TTBK2: variants seen among roughly 807,000 people sequenced by gnomAD.
TTBK2 encodes tau-tubulin kinase 2.
In TTBK2, 28 loss-of-function variants were observed where a neutral mutation model predicts 110.8. That is an observed-to-expected ratio of 0.25 (90% CI 0.19 to 0.35). The LOEUF (loss-of-function observed/expected upper bound fraction) is 0.35. Ranked by LOEUF, TTBK2 falls within the 10% of genes least tolerant of loss-of-function variation. TTBK2 has a pLI of 1.00. For synonymous variants in TTBK2, 532 were observed against 527.3 expected (o/e 1.01, Z -0.12); for missense variants, 1,369 against 1,500.3 (o/e 0.91, Z 1.45).
chr15:42,814,767 C>T (rs1158903183), intron 7 of TTBK2, among the ~76,000 whole-genome samples: 4 of 152,168 alleles, frequency 2.6e-5, no homozygotes, highest in African/African-American at 9.7e-5. Flanking sequence ...AACTAACAAT[C>T]GTTGTGAACT....
At chr15:42,866,845 T>A (rs144905856) in intron 3 of TTBK2, among the ~76,000 whole-genome samples, 8 of 152,138 alleles carry the variant, frequency 5.3e-5, no homozygotes, top group African/African-American at 1.9e-4. Flanking sequence ...TCATAAGAAG[T>A]TTTAAACTAT....
chr15:42,757,894 G>A (rs1317257829), intron 13 of TTBK2, among the ~76,000 whole-genome samples: 1 of 151,968 alleles, frequency 6.6e-6, no homozygotes, highest in African/African-American at 2.4e-5. Flanking sequence ...TTCTTTCATA[G>A]TTTCTTAGTT....
chr15:42,898,561 A>G (rs1016277509), intron 1 of TTBK2, among the ~76,000 whole-genome samples: 5 of 152,146 alleles, frequency 3.3e-5, no homozygotes, highest in Non-Finnish European at 5.9e-5. Flanking sequence ...CAGAGTCATA[A>G]TAACTTAAAC....
intron 2 of TTBK2, among the ~76,000 whole-genome samples, chr15:42,876,749 T>C (rs554531662): frequency 1.3e-4 from 20 of 152,242 alleles, no homozygotes; most frequent in African/African-American, 4.8e-4. Flanking sequence ...CAAACAAAAA[T>C]AGTTCCTTTA....
intron 11 of TTBK2, among the ~76,000 whole-genome samples, chr15:42,779,515 G>C (rs545358193): frequency 2.0e-5 from 3 of 151,642 alleles, no homozygotes; most frequent in African/African-American, 7.3e-5. Context: ...TTATAGATAA[G>C]AAAATACATT....
chr15:42,907,879 TG>T (rs2030502266), intron 1 of TTBK2, among the ~76,000 whole-genome samples: 1 of 149,550 alleles, frequency 6.7e-6, no homozygotes, highest in Non-Finnish European at 1.5e-5. Flanking sequence ...GAGACCATCC[TG>T]GGCAACATGG....
At chr15:42,814,605 AAG>A (rs1232666235) in intron 7 of TTBK2, among the ~76,000 whole-genome samples, 1 of 152,190 alleles carries the variant, frequency 6.6e-6, no homozygotes, top group Non-Finnish European at 1.5e-5. Flanking sequence ...GAACCAGAAA[AAG>A]AGAAATAGAG....
rs769912822 is a variant in TTBK2 at position 42,791,094 on chromosome 15, AG to A, written c.980+3549del. Reference sequence around the variant, plus strand: ...AGTAGAGACGGGGTTTCACTGTGTTAGCCAGGATGGTCTCGATCTGACCTCA... The same window carrying A: ...AGTAGAGACGGGGTTTCACTGTGTTACCAGGATGGTCTCGATCTGACCTCA... On this transcript the variant is annotated intron_variant, in intron 10 of 14. Transcript: ENST00000267890. Among the ~76,000 whole-genome samples the A allele has an allele frequency of 2.6e-4, 39 of 152,078 alleles. No homozygotes were observed. The East Asian group carries it at 6.4e-3, about 25-fold the overall frequency.
At chr15:42,903,211 GT>G (rs887588941) in intron 1 of TTBK2, among the ~76,000 whole-genome samples, 4 of 152,036 alleles carry the variant, frequency 2.6e-5, no homozygotes, top group Non-Finnish European at 5.9e-5. Context: ...CTTATAATAG[GT>G]ATCTAGAGTA....
At chr15:42,796,543 G>A (rs1890953690) in intron 9 of TTBK2, among the ~76,000 whole-genome samples, 1 of 152,138 alleles carries the variant, frequency 6.6e-6, no homozygotes, top group Non-Finnish European at 1.5e-5. Context: ...ACTCAGCAAA[G>A]GAAACAAAAA....
intron 1 of TTBK2, among the ~76,000 whole-genome samples, chr15:42,882,389 A>G (rs1343215691): frequency 2.0e-5 from 3 of 152,038 alleles, no homozygotes; most frequent in Non-Finnish European, 4.4e-5. Flanking sequence ...ACCTGAGGTC[A>G]GGAGTTTGAG....
chr15:42,780,011 C>T (rs1314019803), intron 11 of TTBK2, among the ~76,000 whole-genome samples: 1 of 150,852 alleles, frequency 6.6e-6, no homozygotes, highest in East Asian at 2.0e-4. Context: ...TAATCTAATT[C>T]AAGTCATTCT....
chr15:42,784,516 G>C (rs1890323661), intron 10 of TTBK2, among the ~76,000 whole-genome samples: 1 of 152,204 alleles, frequency 6.6e-6, no homozygotes, highest in African/African-American at 2.4e-5. Flanking sequence ...GACCTCAGGT[G>C]ATCTGCCTGC....
At chr15:42,838,216 A>G (rs1893074502) in intron 4 of TTBK2, among the ~76,000 whole-genome samples, 1 of 152,018 alleles carries the variant, frequency 6.6e-6, no homozygotes, top group Admixed American at 6.6e-5. Flanking sequence ...CAAAAAATAA[A>G]ATAAAATAAA....
At chr15:42,890,884 T>C (rs1468835361) in intron 1 of TTBK2, among the ~76,000 whole-genome samples, 3 of 152,200 alleles carry the variant, frequency 2.0e-5, no homozygotes, top group Non-Finnish European at 4.4e-5. Flanking sequence ...TGTTTGTTTT[T>C]TGAGATGGAG....
rs79750832 is a variant in TTBK2 at position 42,760,504 on chromosome 15, A to T, written c.1999-7257T>A. On this transcript the variant is annotated intron_variant, in intron 13 of 14. Transcript: ENST00000267890. ...CTGAATTGGAAGACAGGTCTTTTGA[A>T]TAACTCAGGCAGACAAAAATAAAAT... Among the ~76,000 whole-genome samples the T allele has an allele frequency of 7.1e-4, 108 of 152,314 alleles. 2 individuals carry two copies. The East Asian group carries it at 0.016, about 23-fold the overall frequency.
At chr15:42,829,843 C>T in intron 5 of TTBK2, 95 bp downstream of exon 5, 1 of 1,515,392 alleles carries the variant, frequency 6.6e-7, no homozygotes, top group Non-Finnish European at 9.1e-7. Context: ...TTTACCACAG[C>T]AAATACACAA....
intron 3 of TTBK2, among the ~76,000 whole-genome samples, chr15:42,849,908 A>C (rs941224542): frequency 6.6e-6 from 1 of 152,026 alleles, no homozygotes; most frequent in Admixed American, 6.5e-5. Flanking sequence ...ACAATCTTTC[A>C]TTTCACTGGG....
At chr15:42,864,448 G>A (rs1285100696) in intron 3 of TTBK2, among the ~76,000 whole-genome samples, 2 of 152,092 alleles carry the variant, frequency 1.3e-5, no homozygotes, top group African/African-American at 2.4e-5. Flanking sequence ...GCCAGGCATG[G>A]TGGCACATGC....
Sources: gnomAD v4.1 joint callset for allele counts (sites outside exome capture counted in the v4.1 genomes callset) on GRCh38, gnomAD v4.1.1 for gene constraint, MANE v1.5 for transcripts, NCBI Gene and HGNC (gene_info 2026-07-23, HGNC 2026-07-21) for gene names.